CNBD1: variants seen among roughly 807,000 people sequenced by gnomAD.
The protein encoded by CNBD1 is cyclic nucleotide binding domain containing 1, also known as cyclic nucleotide-binding domain-containing protein 1.
In CNBD1, 71 loss-of-function variants were observed where a neutral mutation model predicts 54.4. That is an observed-to-expected ratio of 1.30 (90% CI 1.08 to 1.59). CNBD1 has a LOEUF of 1.59. CNBD1 is among the 40% of genes most tolerant of loss of function. The probability of loss-of-function intolerance (pLI) is 0.00; values close to 1 mark genes in which losing one functional copy is unlikely to be tolerated. For synonymous variants in CNBD1, 182 were observed against 170.7 expected (o/e 1.07, Z -0.51); for missense variants, 659 against 518.0 (o/e 1.27, Z -2.64).
intron 1 of CNBD1, among the ~76,000 whole-genome samples, chr8:86,883,017 C>T (rs888866227): frequency 6.6e-6 from 1 of 151,902 alleles, no homozygotes; most frequent in African/African-American, 2.4e-5. Context: ...CTGAGACTTA[C>T]TGGAGGGTGG....
At chr8:87,294,137 T>C (rs1391838333) in intron 8 of CNBD1, among the ~76,000 whole-genome samples, 1 of 151,950 alleles carries the variant, frequency 6.6e-6, no homozygotes, top group African/African-American at 2.4e-5. Flanking sequence ...CCAGAACAAT[T>C]AGGAGTCTAT....
chr8:87,415,441 C>T (rs928302513), intron 2 of CNBD1, among the ~76,000 whole-genome samples: 1 of 151,992 alleles, frequency 6.6e-6, no homozygotes, highest in Non-Finnish European at 1.5e-5. Context: ...GAAATTTTAT[C>T]TACTGGTGAA....
intron 1 of CNBD1, among the ~76,000 whole-genome samples, chr8:86,884,247 G>A (rs1332794822): frequency 6.6e-6 from 1 of 151,730 alleles, no homozygotes; most frequent in African/African-American, 2.4e-5. Context: ...TCTCTTCTCA[G>A]GTAATACAGT....
intron 6 of CNBD1, among the ~76,000 whole-genome samples, chr8:87,247,778 A>C (rs1435224033): frequency 1.3e-5 from 2 of 152,204 alleles, no homozygotes; most frequent in African/African-American, 4.8e-5. Context: ...GATGTGAGTT[A>C]AGGGCATTTA....
chr8:86,917,466 G>C (rs546641204), intron 3 of CNBD1, among the ~76,000 whole-genome samples: 43 of 152,172 alleles, frequency 2.8e-4, no homozygotes, highest in Non-Finnish European at 4.6e-4. Flanking sequence ...CCTCGAGTTA[G>C]TGCCATTAGA....
At chr8:87,379,687 A>C (rs1475697210) in intron 10 of CNBD1, among the ~76,000 whole-genome samples, 1 of 152,032 alleles carries the variant, frequency 6.6e-6, no homozygotes, top group Non-Finnish European at 1.5e-5. Context: ...ACATTATTGC[A>C]CTGTCAGAAT....
At chr8:87,055,806 T>C (rs1247095179) in intron 4 of CNBD1, among the ~76,000 whole-genome samples, 1 of 150,282 alleles carries the variant, frequency 6.7e-6, no homozygotes, top group Non-Finnish European at 1.5e-5. Context: ...TTTCTTTTCA[T>C]CCATCCCTTC....
At chr8:87,302,453 AACT>A (rs1809026316) in intron 8 of CNBD1, among the ~76,000 whole-genome samples, 1 of 128,132 alleles carries the variant, frequency 7.8e-6, no homozygotes, top group African/African-American at 2.8e-5. Flanking sequence ...TCATGCTAAA[AACT>A]CTCAATAAAT....
chr8:87,236,224 C>G (rs1328777971), intron 5 of CNBD1, among the ~76,000 whole-genome samples: 4 of 152,034 alleles, frequency 2.6e-5, no homozygotes, highest in Non-Finnish European at 5.9e-5. Flanking sequence ...CCACTCTTAC[C>G]CCCTTATTCT....
At chr8:86,957,579 T>C (rs1346096324) in intron 4 of CNBD1, among the ~76,000 whole-genome samples, 1 of 152,214 alleles carries the variant, frequency 6.6e-6, no homozygotes, top group Non-Finnish European at 1.5e-5. Context: ...TGTCCAGAAA[T>C]TTATCCATTT....
At chr8:86,980,655 G>T (rs1384097499) in intron 4 of CNBD1, among the ~76,000 whole-genome samples, 2 of 152,162 alleles carry the variant, frequency 1.3e-5, no homozygotes, top group African/African-American at 2.4e-5. Flanking sequence ...GTTTTAGGAA[G>T]CAAATTATTT....
intron 1 of CNBD1, among the ~76,000 whole-genome samples, chr8:86,871,757 C>A (rs934795591): frequency 4.6e-5 from 7 of 152,168 alleles, no homozygotes; most frequent in Non-Finnish European, 7.3e-5. Context: ...AGGGGTTCCC[C>A]TTCTGTGGAA....
intron 4 of CNBD1, among the ~76,000 whole-genome samples, chr8:87,057,891 C>G (rs554373782): frequency 6.6e-6 from 1 of 151,976 alleles, no homozygotes; most frequent in Non-Finnish European, 1.5e-5. Context: ...ACAATCGTGC[C>G]TTCCCAAAAG....
chr8:86,895,253 GGTGT>G (rs59497760), intron 2 of CNBD1, among the ~76,000 whole-genome samples: 3,766 of 144,750 alleles, frequency 0.026, 89 homozygotes, highest in African/African-American at 0.064. Context: ...GTGTGTGCAT[GGTGT>G]GTGTGTGTGT....
intron 3 of CNBD1, among the ~76,000 whole-genome samples, chr8:86,916,871 CTTT>C (rs748549695): frequency 3.0e-5 from 4 of 134,576 alleles, no homozygotes; most frequent in African/African-American, 5.5e-5. Flanking sequence ...GCCCAGCTAA[CTTT>C]TTTTTTTTTT....
At chr8:86,958,827 C>T (rs1248788079) in intron 4 of CNBD1, among the ~76,000 whole-genome samples, 1 of 152,162 alleles carries the variant, frequency 6.6e-6, no homozygotes, top group Non-Finnish European at 1.5e-5. Flanking sequence ...AGCCCATTTA[C>T]ATTTAAGATT....
chr8:87,386,061 C>G (rs1811178355), downstream of CNBD1, among the ~76,000 whole-genome samples: 1 of 152,118 alleles, frequency 6.6e-6, no homozygotes, highest in Admixed American at 6.6e-5. Flanking sequence ...AGGGTCCTGA[C>G]TGTTAGAAGG....
intron 4 of CNBD1, among the ~76,000 whole-genome samples, chr8:86,954,419 A>G (rs1414854175): frequency 6.6e-6 from 1 of 152,242 alleles, no homozygotes. Flanking sequence ...GAAAAACCAA[A>G]TAATACTCTT....
chr8:87,395,853 T>TAGTG (rs1215323300), intron 2 of CNBD1, among the ~76,000 whole-genome samples: 1 of 151,912 alleles, frequency 6.6e-6, no homozygotes, highest in Non-Finnish European at 1.5e-5. Flanking sequence ...GTCAGCGTTA[T>TAGTG]AGTGAGTGAG....
Sources: allele counts gnomAD v4.1 joint callset (sites outside exome capture counted in the v4.1 genomes callset), GRCh38; gene constraint gnomAD v4.1.1; transcripts MANE v1.5; gene names NCBI Gene and HGNC (gene_info 2026-07-23, HGNC 2026-07-21).